The following SGCD variants were observed in gnomAD, a reference collection of about 807,000 sequenced individuals.
The protein encoded by SGCD is delta-sarcoglycan.
Under a neutral mutation model 36.6 loss-of-function variants are expected in SGCD, and 18 were observed. The ratio of observed to expected loss-of-function variants is 0.49; its 90% CI spans 0.34 to 0.73. The LOEUF (loss-of-function observed/expected upper bound fraction) is 0.73, where lower values mean the gene tolerates loss of function less well. SGCD is among the 30% of genes least tolerant of loss of function. The pLI, the probability that SGCD is intolerant of heterozygous loss-of-function variation, is 0.01. For missense variants in SGCD, 387 were observed against 346.7 expected (o/e 1.12, Z -0.92); for synonymous variants, 133 against 130.6 (o/e 1.02, Z -0.12).
intron 3 of SGCD, among the ~76,000 whole-genome samples, chr5:156,373,494 C>G (rs1271522077): frequency 2.0e-5 from 3 of 152,148 alleles, no homozygotes; most frequent in Non-Finnish European, 4.4e-5. Flanking sequence ...TAACAACAGT[C>G]TATTACACAT....
chr5:156,549,967 G>A (rs2113193630), intron 4 of SGCD, among the ~76,000 whole-genome samples: 1 of 152,234 alleles, frequency 6.6e-6, no homozygotes, highest in Admixed American at 6.5e-5. Flanking sequence ...ATTATGTATG[G>A]CTTTGCATAC....
intron 3 of SGCD, among the ~76,000 whole-genome samples, chr5:156,286,458 A>T (rs1187983532): frequency 6.6e-6 from 1 of 152,262 alleles, no homozygotes; most frequent in Non-Finnish European, 1.5e-5. Context: ...GATTAAGAAG[A>T]TGTGGCATAT....
chr5:156,382,568 A>C (rs1771044146), intron 3 of SGCD, among the ~76,000 whole-genome samples: 1 of 152,192 alleles, frequency 6.6e-6, no homozygotes, highest in Non-Finnish European at 1.5e-5. Context: ...TATGGTTTTC[A>C]AGAGCTATGA....
In SGCD at chr5:156,647,549, C is replaced by T. The variant is rs1581326712; in HGVS notation, c.575+13C>T. The T allele has an allele frequency of 6.5e-7, 1 of 1,545,432 alleles. No homozygotes were observed. Among genetic ancestry groups the T allele is most frequent in the East Asian group, 2.4e-5 (1 of 42,436 alleles). Reference sequence around the variant, plus strand: ...TCAAAGAACTAAGGTAAACTTCTGACTTTGGTTTGCATTGATTAATGGCTA... The same window carrying T: ...TCAAAGAACTAAGGTAAACTTCTGATTTTGGTTTGCATTGATTAATGGCTA... On this transcript the variant is annotated intron_variant, in intron 7 of 8. Coordinates refer to ENST00000337851, the MANE Select transcript of SGCD (RefSeq NM_000337.6).
chr5:156,329,071 C>CTAT (rs1242444859), intron 1 of SGCD, among the ~76,000 whole-genome samples: 1 of 152,154 alleles, frequency 6.6e-6, no homozygotes, highest in Non-Finnish European at 1.5e-5. Context: ...GGTAGAAACT[C>CTAT]TATAGTTTCT....
At chr5:156,747,978 TAAC>T (rs1317435123) in intron 7 of SGCD, among the ~76,000 whole-genome samples, 13 of 152,180 alleles carry the variant, frequency 8.5e-5, no homozygotes, top group African/African-American at 3.1e-4. Flanking sequence ...CACAAACTGT[TAAC>T]AACCAGATGT....
intron 3 of SGCD, among the ~76,000 whole-genome samples, chr5:156,427,283 G>A (rs1167724102): frequency 1.3e-5 from 2 of 151,952 alleles, no homozygotes; most frequent in African/African-American, 4.8e-5. Flanking sequence ...ATATTCCTAA[G>A]TATTATATTT....
chr5:156,531,793 A>G lies in SGCD; in HGVS notation c.294+23091A>G, dbSNP rs530298446. ...CACTGAGGCTAAACTAAGTAATGGG[A>G]AAAAAAAAGACTCTACGTAAATGTA... On this transcript the variant is annotated intron_variant, in intron 4 of 8. Coordinates refer to ENST00000337851, the MANE Select transcript of SGCD (RefSeq NM_000337.6). Among the ~76,000 whole-genome samples, 348 of 144,114 alleles carry G rather than the reference A, an allele frequency of 2.4e-3. 1 individual carries two copies. Among genetic ancestry groups the G allele is most frequent in the African/African-American group, 8.1e-3 (316 of 39,126 alleles). The allele number at this position is 144,114 out of a possible 152,430, so 94.5% of individuals were successfully genotyped here.
chr5:155,784,799 A>T, the SGCD span, among the ~76,000 whole-genome samples: 1 of 152,172 alleles, frequency 6.6e-6, no homozygotes, highest in Non-Finnish European at 1.5e-5. Context: ...TGGTCAGATT[A>T]TACATACTAG....
chr5:155,831,106 G>A, the SGCD span, among the ~76,000 whole-genome samples: 1 of 152,188 alleles, frequency 6.6e-6, no homozygotes, highest in Non-Finnish European at 1.5e-5. Flanking sequence ...TTTACTCAAA[G>A]TCAATCAGCT....
At chr5:156,565,381 T>C (rs1450393938) in intron 4 of SGCD, among the ~76,000 whole-genome samples, 1 of 152,202 alleles carries the variant, frequency 6.6e-6, no homozygotes, top group African/African-American at 2.4e-5. Flanking sequence ...TTTAAAAACC[T>C]GCCAGCCCTA....
At chr5:156,619,421 T>C (rs1340132146) in intron 6 of SGCD, among the ~76,000 whole-genome samples, 1 of 152,196 alleles carries the variant, frequency 6.6e-6, no homozygotes, top group African/African-American at 2.4e-5. Flanking sequence ...CAAGCCATAG[T>C]TAGTGTGTTT....
chr5:156,413,626 G>A (rs1401497973), intron 3 of SGCD, among the ~76,000 whole-genome samples: 2 of 152,164 alleles, frequency 1.3e-5, no homozygotes, highest in African/African-American at 4.8e-5. Context: ...ACAGACACAT[G>A]CCACCACACC....
intron 3 of SGCD, among the ~76,000 whole-genome samples, chr5:156,360,402 C>A (rs1007873765): frequency 6.6e-6 from 1 of 152,064 alleles, no homozygotes; most frequent in African/African-American, 2.4e-5. Flanking sequence ...CACCTGCCAC[C>A]ATGCCTGGCT....
intron 4 of SGCD, among the ~76,000 whole-genome samples, chr5:156,564,482 G>T (rs559487488): frequency 6.6e-6 from 1 of 152,002 alleles, no homozygotes; most frequent in Non-Finnish European, 1.5e-5. Flanking sequence ...TTTAATTTAC[G>T]TTATGTAAAT....
chr5:155,889,362 T>C (rs1224445604), intron 1 of SGCD, among the ~76,000 whole-genome samples: 1 of 152,130 alleles, frequency 6.6e-6, no homozygotes, highest in Non-Finnish European at 1.5e-5. Context: ...GGAGACCTAC[T>C]CTTGTACTCT....
intron 6 of SGCD, among the ~76,000 whole-genome samples, chr5:156,616,321 C>T (rs1762019067): frequency 6.6e-6 from 1 of 152,166 alleles, no homozygotes; most frequent in South Asian, 2.1e-4. Context: ...TTAGCAAAGC[C>T]TAGGTCATAT....
At chr5:156,171,990 C>A (rs964583383) in intron 3 of SGCD, among the ~76,000 whole-genome samples, 1 of 151,982 alleles carries the variant, frequency 6.6e-6, no homozygotes, top group African/African-American at 2.4e-5. Flanking sequence ...ATAACTCATT[C>A]AAGATCAGCA....
intron 2 of SGCD, among the ~76,000 whole-genome samples, chr5:156,335,280 T>G (rs747104552): frequency 2.6e-5 from 4 of 152,230 alleles, no homozygotes; most frequent in Non-Finnish European, 4.4e-5. Flanking sequence ...ATAAATATTT[T>G]AAACTTAAAT....
Sources: gnomAD v4.1 joint callset for allele counts (sites outside exome capture counted in the v4.1 genomes callset) on GRCh38, gnomAD v4.1.1 for gene constraint, MANE v1.5 for transcripts, NCBI Gene and HGNC (gene_info 2026-07-23, HGNC 2026-07-21) for gene names.